The following WDR7 variants were observed in gnomAD, a reference collection of about 807,000 sequenced individuals.
WDR7 encodes the protein WD repeat domain 7, also known as WD repeat-containing protein 7.
WDR7 carries 46 observed loss-of-function variants against 169.4 expected under a neutral mutation model. That is an observed-to-expected ratio of 0.27 (90% CI 0.21 to 0.35). The LOEUF is 0.35. Among genes scored for constraint, WDR7 ranks in the 10% least tolerant of loss-of-function variants. The pLI is 1.00. For synonymous variants in WDR7, 612 were observed against 666.8 expected, an observed-to-expected ratio of 0.92 and a Z score of 1.27; for missense variants, 1,534 against 1,859.3, an observed-to-expected ratio of 0.83 and a Z score of 3.22.
chr18:56,704,859 C>G (rs2025913021), intron 12 of WDR7, among the ~76,000 whole-genome samples: 1 of 152,160 alleles, frequency 6.6e-6, no homozygotes, highest in Admixed American at 6.5e-5. Context: ...TGATTTCATG[C>G]TAAACCTAGT....
intron 21 of WDR7, among the ~76,000 whole-genome samples, chr18:56,922,977 C>A (rs1169692586): frequency 1.3e-5 from 2 of 152,074 alleles, no homozygotes; most frequent in Non-Finnish European, 2.9e-5. Context: ...CAGTGAGTAC[C>A]TTCCTAGGCC....
At chr18:56,740,112 G>A (rs1471954024) in intron 14 of WDR7, among the ~76,000 whole-genome samples, 2 of 151,460 alleles carry the variant, frequency 1.3e-5, no homozygotes. Flanking sequence ...TGTAATCTTT[G>A]TCTCCCTCTG....
intron 19 of WDR7, among the ~76,000 whole-genome samples, chr18:56,783,823 G>A (rs1305215940): frequency 1.3e-5 from 2 of 152,176 alleles, no homozygotes; most frequent in Non-Finnish European, 1.5e-5. Context: ...ATTAGCAATT[G>A]TAGTGGATGC....
chr18:56,806,307 C>T (rs2044772601), intron 19 of WDR7, among the ~76,000 whole-genome samples: 1 of 152,092 alleles, frequency 6.6e-6, no homozygotes, highest in Admixed American at 6.5e-5. Flanking sequence ...AGAGAACAGC[C>T]CTACCATTCT....
At chr18:56,811,985 A>C (rs1483201936) in intron 19 of WDR7, among the ~76,000 whole-genome samples, 6 of 152,144 alleles carry the variant, frequency 3.9e-5, no homozygotes, top group African/African-American at 1.4e-4. Flanking sequence ...ACTTTTGTTG[A>C]TATCTACAAA....
chr18:56,997,903 C>T (rs897836438), intron 26 of WDR7, among the ~76,000 whole-genome samples: 4 of 152,106 alleles, frequency 2.6e-5, no homozygotes, highest in East Asian at 1.9e-4. Context: ...AAATCATAAA[C>T]GTGTATGTGT....
intron 9 of WDR7, among the ~76,000 whole-genome samples, chr18:56,693,545 T>G: frequency 6.7e-6 from 1 of 149,950 alleles, no homozygotes; most frequent in East Asian, 1.9e-4. Context: ...ACAAGCTTGA[T>G]AGTTCAATTT....
At chr18:56,792,615 T>G (rs1486550049) in intron 19 of WDR7, among the ~76,000 whole-genome samples, 3 of 151,154 alleles carry the variant, frequency 2.0e-5, no homozygotes, top group African/African-American at 4.9e-5. Context: ...AATCTTTGTT[T>G]TTTTTTTTTT....
chr18:56,841,137 G>A (rs1409904520), intron 20 of WDR7, among the ~76,000 whole-genome samples: 1 of 151,964 alleles, frequency 6.6e-6, no homozygotes, highest in African/African-American at 2.4e-5. Flanking sequence ...ACGTTACAGT[G>A]AGCTGAGATC....
At chr18:56,678,331 T>C (rs1004909986) in intron 2 of WDR7, among the ~76,000 whole-genome samples, 5 of 152,200 alleles carry the variant, frequency 3.3e-5, no homozygotes, top group East Asian at 3.9e-4. Context: ...TTGATACTTG[T>C]AGATGTTTGT....
At chr18:56,973,350 G>A (rs913622099) in intron 26 of WDR7, among the ~76,000 whole-genome samples, 2 of 152,142 alleles carry the variant, frequency 1.3e-5, no homozygotes, top group African/African-American at 4.8e-5. Context: ...AAAAGCATTT[G>A]ATAGGCTAAA....
intron 9 of WDR7, among the ~76,000 whole-genome samples, chr18:56,692,847 T>C (rs1302401354): frequency 6.6e-6 from 1 of 152,104 alleles, no homozygotes; most frequent in African/African-American, 2.4e-5. Flanking sequence ...CCTTGTTAAA[T>C]ATATAGTTTA....
intron 13 of WDR7, among the ~76,000 whole-genome samples, chr18:56,719,879 T>G (rs1314147884): frequency 6.6e-6 from 1 of 152,142 alleles, no homozygotes; most frequent in Non-Finnish European, 1.5e-5. Flanking sequence ...GAGAATAAAA[T>G]GAGATAATAT....
intron 20 of WDR7, among the ~76,000 whole-genome samples, chr18:56,823,958 T>C (rs186612234): frequency 7.9e-5 from 12 of 152,326 alleles, no homozygotes; most frequent in Non-Finnish European, 1.3e-4. Flanking sequence ...TCTGAGAGTT[T>C]AAGAAGCCAG....
chr18:56,754,482 A>G (rs1169443968), intron 14 of WDR7, among the ~76,000 whole-genome samples: 3 of 151,530 alleles, frequency 2.0e-5, no homozygotes, highest in Admixed American at 6.6e-5. Flanking sequence ...GTATATATGT[A>G]TATATACTTA....
intron 19 of WDR7, among the ~76,000 whole-genome samples, chr18:56,813,994 TTATGCTGTGA>T (rs1326397455): frequency 1.3e-5 from 2 of 152,170 alleles, no homozygotes; most frequent in African/African-American, 4.8e-5. Flanking sequence ...TTTCTCAAGG[TTATGCTGTGA>T]TGTTCTGTGA....
At chr18:56,782,072 A>G (rs564519362) in intron 19 of WDR7, 1 of 153,006 alleles carries the variant, frequency 6.5e-6, no homozygotes, top group Non-Finnish European at 1.5e-5. Context: ...AGAAAAACAA[A>G]GATCTGATAG....
chr18:56,965,682 C>G (rs116325843), intron 26 of WDR7, among the ~76,000 whole-genome samples: 216 of 152,128 alleles, frequency 1.4e-3, no homozygotes, highest in Non-Finnish European at 1.9e-3. Context: ...TTGTCACTGG[C>G]AAAAACTGTT....
rs1599020535 is a variant in WDR7 at position 56,757,349 on chromosome 18, C to T, written c.2756C>T (p.Thr919Ile). Residue 919 changes from threonine (T) to isoleucine (I), a missense_variant, in exon 15 of 28, where the codon ACC (threonine) becomes ATC (isoleucine). Coordinates refer to ENST00000254442, the MANE Select transcript of WDR7 (RefSeq NM_015285.3). ...FIGDHMKKGP[T>I]RPPRPSTPDL... ...GGTGATCATATGAAGAAGGGTCCTACCAGGTGTGACCATGATAGTTTGATT... is the reference window on the plus strand; with the variant it reads ...GGTGATCATATGAAGAAGGGTCCTATCAGGTGTGACCATGATAGTTTGATT... 6.3e-7 allele frequency: 1 copy of T among 1,587,402 alleles called. No homozygotes were observed. The highest frequency in any genetic ancestry group is 8.6e-7 in the Non-Finnish European group (1 of 1,163,884).
Sources: allele counts gnomAD v4.1 joint callset (sites outside exome capture counted in the v4.1 genomes callset), GRCh38; gene constraint gnomAD v4.1.1; transcripts MANE v1.5; gene names NCBI Gene and HGNC (gene_info 2026-07-23, HGNC 2026-07-21).